Variants in CAST observed in about 807,000 individuals in gnomAD.
The protein encoded by CAST is MIR583 host.
In CAST, 76 loss-of-function variants were observed where a neutral mutation model predicts 119.6. That is an observed-to-expected ratio of 0.64 (90% CI 0.53 to 0.77). The LOEUF is 0.77. Among genes scored for constraint, CAST ranks in the 30% least tolerant of loss-of-function variants. The pLI is 0.00. For missense variants in CAST, 953 were observed against 946.5 expected, an observed-to-expected ratio of 1.01 and a Z score of -0.09; for synonymous variants, 319 against 331.6, an observed-to-expected ratio of 0.96 and a Z score of 0.41.
At chr5:96,121,911 C>T in the CAST span, among the ~76,000 whole-genome samples, 1 of 150,788 alleles carries the variant, frequency 6.6e-6, no homozygotes, top group South Asian at 2.1e-4. Flanking sequence ...GGTATTGTGA[C>T]AAAAAAACAA....
chr5:96,056,591 T>C, the CAST span, among the ~76,000 whole-genome samples: 1 of 152,152 alleles, frequency 6.6e-6, no homozygotes, highest in Non-Finnish European at 1.5e-5. Context: ...TAGAGCTTTG[T>C]GCCATTGCAT....
At chr5:96,399,137 G>T in the CAST span, 1 of 838,312 alleles carries the variant, frequency 1.2e-6, no homozygotes, top group Non-Finnish European at 2.0e-6. Flanking sequence ...GCTCAACTAA[G>T]CTTTTTGTCA....
At chr5:96,012,404 C>G in the CAST span, among the ~76,000 whole-genome samples, 1 of 151,912 alleles carries the variant, frequency 6.6e-6, no homozygotes, top group Non-Finnish European at 1.5e-5. Flanking sequence ...TGTTGTTGCT[C>G]AACTTAACTT....
chr5:95,992,443 C>G, the CAST span, among the ~76,000 whole-genome samples: 1 of 150,394 alleles, frequency 6.6e-6, no homozygotes, highest in South Asian at 2.1e-4. Flanking sequence ...TGGGCCTAGT[C>G]TAATCATGAG....
the CAST span, among the ~76,000 whole-genome samples, chr5:96,160,330 T>G: frequency 6.6e-6 from 1 of 152,224 alleles, no homozygotes; most frequent in African/African-American, 2.4e-5. Flanking sequence ...GATTTGCATG[T>G]CCTGAACATT....
chr5:96,686,046 T>C (rs188218344), intron 2 of CAST, among the ~76,000 whole-genome samples: 1 of 152,294 alleles, frequency 6.6e-6, no homozygotes, highest in African/African-American at 2.4e-5. Flanking sequence ...TAGAGCACAC[T>C]AAGAGAGCTG....
At chr5:96,099,773 C>G in the CAST span, among the ~76,000 whole-genome samples, 1 of 152,056 alleles carries the variant, frequency 6.6e-6, no homozygotes, top group Admixed American at 6.6e-5. Flanking sequence ...CAAGGATATT[C>G]GCCTGAAGTT....
the CAST span, among the ~76,000 whole-genome samples, chr5:96,417,103 A>G: frequency 6.6e-6 from 1 of 152,226 alleles, no homozygotes; most frequent in Non-Finnish European, 1.5e-5. Context: ...GCTCGGAGCA[A>G]TAATGTTGGC....
chr5:96,546,868 A>C (rs533339505), intron 1 of CAST, among the ~76,000 whole-genome samples: 6 of 152,344 alleles, frequency 3.9e-5, no homozygotes, highest in Admixed American at 2.0e-4. Flanking sequence ...TGTCATCAAA[A>C]TAGTGAACCA....
At chr5:96,665,743 TACACACACAC>T (rs745907302) in intron 1 of CAST, among the ~76,000 whole-genome samples, 1 of 130,076 alleles carries the variant, frequency 7.7e-6, no homozygotes, top group Non-Finnish European at 1.8e-5. Flanking sequence ...CACACACACA[TACACACACAC>T]ACACACATAT....
the CAST span, among the ~76,000 whole-genome samples, chr5:96,508,101 T>C: frequency 4.7e-4 from 71 of 151,998 alleles, no homozygotes; most frequent in African/African-American, 1.7e-3. Context: ...CCTTAAGGGA[T>C]CCTCCCACCT....
chr5:96,633,883 C>G (rs1747852797), intron 1 of CAST, among the ~76,000 whole-genome samples: 1 of 152,180 alleles, frequency 6.6e-6, no homozygotes, highest in Non-Finnish European at 1.5e-5. Flanking sequence ...CAGGCCTTCC[C>G]CTGTTAAAAT....
At chr5:96,462,592 G>A in the CAST span, among the ~76,000 whole-genome samples, 6 of 151,912 alleles carry the variant, frequency 3.9e-5, no homozygotes, top group Non-Finnish European at 5.9e-5. Flanking sequence ...CTCATTCCCA[G>A]GTATCCACTT....
the CAST span, among the ~76,000 whole-genome samples, chr5:96,241,940 G>T: frequency 7.4e-6 from 1 of 136,016 alleles, no homozygotes; most frequent in African/African-American, 2.7e-5. Flanking sequence ...ATTTGTTTGA[G>T]TTCATTGTAG....
At chr5:96,045,769 C>T in the CAST span, among the ~76,000 whole-genome samples, 1 of 151,988 alleles carries the variant, frequency 6.6e-6, no homozygotes, top group African/African-American at 2.4e-5. Flanking sequence ...GTAGGTCTAA[C>T]TTTAGGGTTT....
chr5:96,615,780 G>C (rs564823087), intron 1 of CAST, among the ~76,000 whole-genome samples: 1 of 152,318 alleles, frequency 6.6e-6, no homozygotes, highest in South Asian at 2.1e-4. Context: ...ACTAGGGCAA[G>C]TGTAAATGTT....
the CAST span, among the ~76,000 whole-genome samples, chr5:96,212,869 G>C: frequency 6.6e-6 from 1 of 152,126 alleles, no homozygotes; most frequent in African/African-American, 2.4e-5. Context: ...TGTAATCCCA[G>C]TGCTTTTGGA....
At chr5:96,220,935 C>T in the CAST span, among the ~76,000 whole-genome samples, 2 of 152,060 alleles carry the variant, frequency 1.3e-5, no homozygotes, top group Non-Finnish European at 2.9e-5. Context: ...TTGCATCACT[C>T]CCTAGTGCCA....
Position 96,729,673 on chromosome 5 carries a change from C to G in CAST, c.497C>G (p.Ala166Gly), listed in dbSNP as rs776517763. The change falls in exon 8 of 32, where the codon GCA becomes GGA. Residue 166 changes from alanine (A) to glycine (G), a missense_variant. Physicochemically the swap from Ala to Gly is moderately conservative, Grantham distance 60. Coordinates refer to ENST00000675179, the MANE Select transcript of CAST (RefSeq NM_001750.7). Reference sequence around the variant, plus strand: ...AGTAACGATGCTCACAATAAAAAAGCAGTTTCCAGATCAGCTGAACAGCAG... The same window carrying G: ...AGTAACGATGCTCACAATAAAAAAGGAGTTTCCAGATCAGCTGAACAGCAG... The part of the protein sequence containing the change: ...TGSNDAHNKK[A>G]VSRSAEQQPS... The G allele has an allele frequency of 8.1e-6, 13 of 1,602,450 alleles. No homozygotes were observed. The highest frequency in any genetic ancestry group is 1.0e-5 in the Non-Finnish European group (12 of 1,169,586).
Sources: gnomAD v4.1 joint callset for allele counts (sites outside exome capture counted in the v4.1 genomes callset) on GRCh38, gnomAD v4.1.1 for gene constraint, MANE v1.5 for transcripts, NCBI Gene and HGNC (gene_info 2026-07-23, HGNC 2026-07-21) for gene names.